Variants in CELF4 observed in about 807,000 individuals in gnomAD.
The protein encoded by CELF4 is CUGBP Elav-like family member 4.
CELF4 carries 18 observed loss-of-function variants against 59.9 expected under a neutral mutation model. The ratio of observed to expected loss-of-function variants is 0.30; its 90% CI spans 0.21 to 0.45. CELF4 has a LOEUF of 0.45. Ranked by LOEUF, CELF4 falls within the 20% of genes least tolerant of loss-of-function variation. The probability of loss-of-function intolerance (pLI) is 1.00; values close to 1 mark genes in which losing one functional copy is unlikely to be tolerated. For missense variants in CELF4, 456 were observed against 689.0 expected, an observed-to-expected ratio of 0.66 and a Z score of 3.79; for synonymous variants, 261 against 267.1, an observed-to-expected ratio of 0.98 and a Z score of 0.22.
At chr18:37,396,976 G>A (rs2099252788) in intron 2 of CELF4, among the ~76,000 whole-genome samples, 1 of 152,204 alleles carries the variant, frequency 6.6e-6, no homozygotes, top group Non-Finnish European at 1.5e-5. Context: ...GCAGGCTTGT[G>A]TCTGGATGTC....
intron 7 of CELF4, 45 bp from the exon 8 acceptor site, chr18:37,270,962 C>T: frequency 2.6e-6 from 4 of 1,532,276 alleles, no homozygotes; most frequent in Non-Finnish European, 2.6e-6. Flanking sequence ...GGGAGGCAAG[C>T]AGAACAAAGG....
intron 2 of CELF4, among the ~76,000 whole-genome samples, chr18:37,375,630 G>A (rs953491481): frequency 7.2e-5 from 11 of 152,150 alleles, no homozygotes; most frequent in African/African-American, 2.4e-4. Flanking sequence ...AGAAGGAAGA[G>A]GCTTCCCTAG....
At chr18:37,414,198 CTAT>C (rs2099503278) in intron 2 of CELF4, among the ~76,000 whole-genome samples, 1 of 22,222 alleles carries the variant, frequency 4.5e-5, no homozygotes, top group South Asian at 9.2e-4. Flanking sequence ...ATTCATCTAT[CTAT>C]CTATCTATCT....
chr18:37,272,907 T>G (rs1168969943), intron 7 of CELF4, 109 bp downstream of exon 7: 2 of 1,118,106 alleles, frequency 1.8e-6, no homozygotes, highest in Admixed American at 4.3e-5. Flanking sequence ...GCCCAGACAC[T>G]ATGTGCTTTT....
intron 2 of CELF4, among the ~76,000 whole-genome samples, chr18:37,437,940 T>TGA (rs1250216806): frequency 1.3e-5 from 2 of 148,302 alleles, no homozygotes; most frequent in East Asian, 4.0e-4. Context: ...GTCAGGAAGG[T>TGA]GAGGCCCTCA....
intron 2 of CELF4, among the ~76,000 whole-genome samples, chr18:37,452,173 G>A (rs1034784039): frequency 1.3e-5 from 2 of 152,206 alleles, no homozygotes; most frequent in African/African-American, 4.8e-5. Flanking sequence ...GCCACCCTGA[G>A]CCACGCTTGG....
chr18:37,271,629 G>C (rs1190480389), intron 7 of CELF4, among the ~76,000 whole-genome samples: 3 of 152,112 alleles, frequency 2.0e-5, no homozygotes, highest in Admixed American at 6.5e-5. Flanking sequence ...TTGGTCATTG[G>C]GGGGCTGATA....
intron 1 of CELF4, among the ~76,000 whole-genome samples, chr18:37,533,972 C>A (rs2099971487): frequency 6.6e-6 from 1 of 152,126 alleles, no homozygotes; most frequent in Non-Finnish European, 1.5e-5. Context: ...TGGAGTTATT[C>A]CAGAGCCTTG....
intron 3 of CELF4, among the ~76,000 whole-genome samples, chr18:37,316,050 G>T (rs1368609901): frequency 1.3e-5 from 2 of 152,174 alleles, no homozygotes; most frequent in East Asian, 3.9e-4. Context: ...GGTCAGGGCT[G>T]CAGGGCAGCT....
chr18:37,297,582 G>A (rs28539733), intron 3 of CELF4, among the ~76,000 whole-genome samples: 4 of 152,144 alleles, frequency 2.6e-5, no homozygotes, highest in South Asian at 2.1e-4. Flanking sequence ...AGTGACATGC[G>A]TACATCCTAA....
At chr18:37,530,368 A>G (rs1016969524) in intron 1 of CELF4, among the ~76,000 whole-genome samples, 2 of 152,028 alleles carry the variant, frequency 1.3e-5, no homozygotes, top group African/African-American at 4.8e-5. Context: ...GCTGCTCCAC[A>G]TTGTATAGGA....
At chr18:37,429,740 T>C (rs547545772) in intron 2 of CELF4, among the ~76,000 whole-genome samples, 1 of 152,238 alleles carries the variant, frequency 6.6e-6, no homozygotes, top group South Asian at 2.1e-4. Context: ...GAGATCTTGA[T>C]GAGGCTAGGG....
At chr18:37,481,283 C>A (rs1416638991) in intron 2 of CELF4, among the ~76,000 whole-genome samples, 1 of 152,188 alleles carries the variant, frequency 6.6e-6, no homozygotes, top group Non-Finnish European at 1.5e-5. Context: ...CCATCCCTGA[C>A]CAGCTCTAAT....
Position 37,565,363 on chromosome 18 carries a change from C to T in CELF4, c.279G>A (p.Met93Ile). 6.4e-7 allele frequency: 1 copy of T among 1,558,318 alleles called. No individual in the cohort carries two copies. The highest frequency in any genetic ancestry group is 8.7e-7 in the Non-Finnish European group (1 of 1,149,374). Residue 93 changes from methionine (M) to isoleucine (I), a missense_variant, in exon 1 of 13, where the codon ATG (methionine) becomes ATA (isoleucine). Physicochemically the swap from Met to Ile is conservative, Grantham distance 10 (BLOSUM62 1). Transcript: ENST00000420428. ...LTVLKDRFTGMHKGCAFLTYC... is the reference protein window; with the variant it reads ...LTVLKDRFTGIHKGCAFLTYC... ...AGGGAAAGGTGTACTCACCTTTGTGCATGCCTGTGAACCTGTCCTTCAGAA... is the reference window on the plus strand; with the variant it reads ...AGGGAAAGGTGTACTCACCTTTGTGTATGCCTGTGAACCTGTCCTTCAGAA...
At chr18:37,353,881 C>A (rs1167710628) in intron 2 of CELF4, among the ~76,000 whole-genome samples, 1 of 151,564 alleles carries the variant, frequency 6.6e-6, no homozygotes, top group Non-Finnish European at 1.5e-5. Flanking sequence ...CTCAGCCTCC[C>A]AAGTAGCTGG....
chr18:37,536,404 T>G (rs768862406), intron 1 of CELF4, among the ~76,000 whole-genome samples: 1 of 152,172 alleles, frequency 6.6e-6, no homozygotes, highest in Admixed American at 6.5e-5. Context: ...CTCTCTTCTT[T>G]GTACTTTCCT....
chr18:37,376,667 G>A (rs953897035), intron 2 of CELF4, among the ~76,000 whole-genome samples: 3 of 152,212 alleles, frequency 2.0e-5, no homozygotes, highest in Admixed American at 6.5e-5. Flanking sequence ...TTGGGGTCTG[G>A]CCTCACCTTG....
chr18:37,532,015 C>T (rs1357758095), intron 1 of CELF4, among the ~76,000 whole-genome samples: 1 of 152,248 alleles, frequency 6.6e-6, no homozygotes, highest in Non-Finnish European at 1.5e-5. Flanking sequence ...GCGCACATTA[C>T]TTGGCCTTGG....
At chr18:37,273,351 C>A in intron 6 of CELF4, 188 bp from the exon 7 acceptor site, 1 of 1,375,206 alleles carries the variant, frequency 7.3e-7, no homozygotes, top group East Asian at 2.7e-5. Flanking sequence ...AGTCCACCAC[C>A]CTGAGAGATG....
Sources: gnomAD v4.1 joint callset for allele counts (sites outside exome capture counted in the v4.1 genomes callset) on GRCh38, gnomAD v4.1.1 for gene constraint, MANE v1.5 for transcripts, NCBI Gene and HGNC (gene_info 2026-07-23, HGNC 2026-07-21) for gene names.